PTPRG: variants seen among roughly 807,000 people sequenced by gnomAD.
PTPRG encodes receptor-type tyrosine-protein phosphatase gamma.
PTPRG carries 102 observed loss-of-function variants against 165.3 expected under a neutral mutation model. The ratio of observed to expected loss-of-function variants is 0.62; its 90% CI spans 0.53 to 0.73. The LOEUF is 0.73. PTPRG is among the 30% of genes least tolerant of loss of function. PTPRG has a pLI of 0.00. For missense variants in PTPRG, 1,866 were observed against 1,861.4 expected (o/e 1.00, Z -0.05); for synonymous variants, 675 against 669.5 (o/e 1.01, Z -0.13).
rs759641101 is a variant in PTPRG, at chr3:62,080,062, A to AT, written c.615+1824dup. ...AGTTCTGTCTGGACCCCTTCGGTTCATTTTTTTTTTTTTTTTTTTTGAGAT... is the reference window on the plus strand; with the variant it reads ...AGTTCTGTCTGGACCCCTTCGGTTCATTTTTTTTTTTTTTTTTTTTTGAGAT... On this transcript the variant is annotated intron_variant, in intron 5 of 29. Coordinates refer to ENST00000474889, the MANE Select transcript of PTPRG (RefSeq NM_002841.4). Among the ~76,000 whole-genome samples, 2,183 of 128,448 alleles carry AT rather than the reference A, an allele frequency of 0.017. 157 individuals carry two copies. In the East Asian group the frequency reaches 0.27, roughly 16 times the overall value. 84.3% of individuals were successfully genotyped at this position (128,448 alleles called of 152,430 possible).
intron 26 of PTPRG, among the ~76,000 whole-genome samples, chr3:62,278,741 G>C (rs1702324001): frequency 6.6e-6 from 1 of 152,002 alleles, no homozygotes; most frequent in Non-Finnish European, 1.5e-5. Context: ...ATGATGGAAT[G>C]GCAACAAAGT....
chr3:61,846,331 A>G (rs2036805032), intron 2 of PTPRG, among the ~76,000 whole-genome samples: 1 of 152,182 alleles, frequency 6.6e-6, no homozygotes, highest in Non-Finnish European at 1.5e-5. Context: ...GCAGCTAGGA[A>G]TGTAGTCATC....
intron 1 of PTPRG, among the ~76,000 whole-genome samples, chr3:61,611,465 T>C (rs1361325145): frequency 6.6e-6 from 1 of 152,246 alleles, no homozygotes; most frequent in Non-Finnish European, 1.5e-5. Context: ...TTGGGGACTT[T>C]ATGTATGTTG....
At chr3:61,847,018 T>C (rs1575717560) in intron 2 of PTPRG, among the ~76,000 whole-genome samples, 1 of 152,136 alleles carries the variant, frequency 6.6e-6, no homozygotes, top group Non-Finnish European at 1.5e-5. Context: ...AAAAATAAAA[T>C]TAAAAATTCA....
At chr3:61,695,049 C>T (rs1382600256) in intron 1 of PTPRG, among the ~76,000 whole-genome samples, 4 of 150,850 alleles carry the variant, frequency 2.7e-5, no homozygotes, top group African/African-American at 9.8e-5. Context: ...TTGCTCTTGT[C>T]ATCCAGGCTG....
At chr3:61,580,608 T>A (rs1258733300) in intron 1 of PTPRG, among the ~76,000 whole-genome samples, 1 of 152,202 alleles carries the variant, frequency 6.6e-6, no homozygotes, top group Non-Finnish European at 1.5e-5. Context: ...GTGCTGGGAT[T>A]ATAGGCGTGA....
At chr3:61,624,701 A>G (rs1451146021) in intron 1 of PTPRG, among the ~76,000 whole-genome samples, 1 of 152,238 alleles carries the variant, frequency 6.6e-6, no homozygotes, top group African/African-American at 2.4e-5. Flanking sequence ...CAAAATGAGC[A>G]TAATAGTACT....
Position 62,166,197 on chromosome 3 carries a change from C to CTTTTTTTTTTTT in PTPRG, c.841-1749_841-1738dup, listed in dbSNP as rs564761041. Among the ~76,000 whole-genome samples, 18 of 53,932 alleles carry CTTTTTTTTTTTT rather than the reference C, an allele frequency of 3.3e-4. 6 individuals carry two copies. The highest frequency in any genetic ancestry group is 1.5e-3 in the East Asian group (2 of 1,356). The allele number at this position is 53,932 out of a possible 152,430, so 35.4% of individuals were successfully genotyped here. On this transcript the variant is annotated intron_variant, in intron 7 of 29. Transcript: ENST00000474889. Reference sequence around the variant, plus strand: ...TGGCTGCATATTTCAAATTACAGTTCTTTTTTTTTTTTTTTTTTTTTTTTT... The same window carrying CTTTTTTTTTTTT: ...TGGCTGCATATTTCAAATTACAGTTCTTTTTTTTTTTTTTTTTTTTTTTTTTTTTTTTTTTTT...
At chr3:62,002,590 GC>G (rs1177203293) in intron 3 of PTPRG, among the ~76,000 whole-genome samples, 1 of 152,166 alleles carries the variant, frequency 6.6e-6, no homozygotes, top group Non-Finnish European at 1.5e-5. Context: ...TCAAGAAAGA[GC>G]AGTATATTTT....
intron 2 of PTPRG, among the ~76,000 whole-genome samples, chr3:61,939,417 C>T (rs1416400170): frequency 4.6e-5 from 7 of 152,162 alleles, no homozygotes; most frequent in Non-Finnish European, 1.0e-4. Context: ...AAGAAAAAGC[C>T]AGTGCTTAAT....
intron 2 of PTPRG, among the ~76,000 whole-genome samples, chr3:61,836,581 G>A (rs2036468888): frequency 6.6e-6 from 1 of 152,130 alleles, no homozygotes; most frequent in Admixed American, 6.5e-5. Flanking sequence ...TTGACATCAA[G>A]GCCTGAACTA....
At chr3:61,755,747 C>T (rs376124206) in intron 2 of PTPRG, among the ~76,000 whole-genome samples, 1 of 152,096 alleles carries the variant, frequency 6.6e-6, no homozygotes, top group African/African-American at 2.4e-5. Flanking sequence ...AGCATGTGGT[C>T]GGGTGGAGAA....
intron 2 of PTPRG, among the ~76,000 whole-genome samples, chr3:61,825,705 T>G (rs1391619138): frequency 1.3e-5 from 2 of 151,988 alleles, no homozygotes. Flanking sequence ...GGTGTAGAGA[T>G]AGGATCACAG....
In PTPRG at chr3:61,989,639, G is replaced by C. The variant is rs548690736; in HGVS notation, c.205G>C (p.Glu69Gln). 9 of 1,613,950 alleles carry C rather than the reference G, an allele frequency of 5.6e-6. No individual in the cohort carries two copies. Among genetic ancestry groups the C allele is most frequent in the South Asian group, 4.4e-5 (4 of 91,028 alleles). ...TCTTTCAACAGGTGCCTATGGTCCT[G>C]AGCACTGGGTCACGTCTAGTGTCAG... ...YWAYSGAYGP[E>Q]HWVTSSVSCG... The change falls in exon 3 of 30, where the codon GAG (glutamate) becomes CAG (glutamine). Residue 69 changes from glutamate to glutamine, a missense_variant. Coordinates refer to ENST00000474889, the MANE Select transcript of PTPRG (RefSeq NM_002841.4).
At chr3:62,261,595 CTT>C (rs11374967) in intron 16 of PTPRG, among the ~76,000 whole-genome samples, 25 of 127,228 alleles carry the variant, frequency 2.0e-4, no homozygotes, top group Middle Eastern at 3.8e-3. Flanking sequence ...GCCTGTGGGG[CTT>C]TTTTTTTTTT....
chr3:62,007,199 C>G (rs2041318613), intron 4 of PTPRG, among the ~76,000 whole-genome samples: 1 of 152,186 alleles, frequency 6.6e-6, no homozygotes, highest in Non-Finnish European at 1.5e-5. Flanking sequence ...GCAGCAAACT[C>G]AACTTTGTAG....
At chr3:61,871,731 T>C (rs2037590050) in intron 2 of PTPRG, among the ~76,000 whole-genome samples, 2 of 152,190 alleles carry the variant, frequency 1.3e-5, no homozygotes, top group South Asian at 4.1e-4. Flanking sequence ...ATTTGGGGGT[T>C]GTAGCTTTGG....
rs372819434 is a variant in PTPRG at position 61,794,454 on chromosome 3, C to G, written c.190+45472C>G. Among the ~76,000 whole-genome samples the G allele has an allele frequency of 5.8e-4, 89 of 152,248 alleles. 1 individual carries two copies. The highest frequency in any genetic ancestry group is 2.0e-3 in the African/African-American group (83 of 41,550). On this transcript the variant is annotated intron_variant, in intron 2 of 29. Transcript: ENST00000474889. ...AAAATCTGGTCCCTATGTAATTTGA[C>G]TTTTTCAGTAGTCAACATACCGCCC... is the stretch of plus-strand genomic sequence containing the variant.
chr3:62,048,679 T>G (rs1182382578), intron 4 of PTPRG, among the ~76,000 whole-genome samples: 5 of 152,228 alleles, frequency 3.3e-5, no homozygotes, highest in Non-Finnish European at 1.5e-5. Flanking sequence ...TTGGAGTAAA[T>G]GGTGCTATTA....
Sources: gnomAD v4.1 joint callset for allele counts (sites outside exome capture counted in the v4.1 genomes callset) on GRCh38, gnomAD v4.1.1 for gene constraint, MANE v1.5 for transcripts, NCBI Gene and HGNC (gene_info 2026-07-23, HGNC 2026-07-21) for gene names.